TBC1D4: variants seen among roughly 807,000 people sequenced by gnomAD.
TBC1D4 encodes the protein TBC (Tre-2, BUB2, CDC16) domain-containing protein.
TBC1D4 carries 121 observed loss-of-function variants against 142.5 expected under a neutral mutation model. That is an observed-to-expected ratio of 0.85 (90% CI 0.73 to 0.99). TBC1D4 has a LOEUF of 0.99. Ranked by LOEUF, TBC1D4 falls within the 50% of genes least tolerant of loss-of-function variation. TBC1D4 has a pLI of 0.00. For missense variants in TBC1D4, 1,475 were observed against 1,606.6 expected (o/e 0.92, Z 1.40); for synonymous variants, 630 against 628.2 (o/e 1.00, Z -0.04).
In TBC1D4 at chr13:75,481,892, G is replaced by T. The variant is rs1027613037; in HGVS notation, c.-125C>A. The T allele has an allele frequency of 7.6e-7, 1 of 1,324,456 alleles. No individual in the cohort carries two copies. Among genetic ancestry groups the T allele is most frequent in the Non-Finnish European group, 9.7e-7 (1 of 1,030,282 alleles). The allele number at this position is 1,324,456 out of a possible 1,614,324, so 82.0% of individuals were successfully genotyped here. A position where few individuals can be genotyped will look rare whatever the true frequency, so the allele number is the denominator to read the frequency against. ...CGGGCTCCCGCGCCTGCCTGGGAGC[G>T]GCGCGACCCCGAACTCCGCGCTTCA... On this transcript the variant is annotated 5_prime_UTR_variant, in exon 1 of 21. Transcript: ENST00000377636.
intron 1 of TBC1D4, among the ~76,000 whole-genome samples, chr13:75,364,844 A>C (rs1433994370): frequency 6.6e-6 from 1 of 152,234 alleles, no homozygotes; most frequent in African/African-American, 2.4e-5. Context: ...GTCTCTACAG[A>C]GTACGGAATC....
chr13:75,471,932 C>A (rs1166761747), intron 1 of TBC1D4, among the ~76,000 whole-genome samples: 2 of 150,294 alleles, frequency 1.3e-5, no homozygotes, highest in Non-Finnish European at 3.0e-5. Flanking sequence ...CGTGGTAAAA[C>A]CTCATCTCTA....
At chr13:75,315,274 C>A (rs1593914694) in intron 12 of TBC1D4, among the ~76,000 whole-genome samples, 1 of 151,420 alleles carries the variant, frequency 6.6e-6, no homozygotes, top group Non-Finnish European at 1.5e-5. Flanking sequence ...CATCCCTGCA[C>A]TCCTGCCTGA....
intron 3 of TBC1D4, among the ~76,000 whole-genome samples, chr13:75,358,193 C>T (rs1882211966): frequency 6.6e-6 from 1 of 152,094 alleles, no homozygotes; most frequent in African/African-American, 2.4e-5. Context: ...CTCATTCATT[C>T]AACATGTATT....
chr13:75,308,611 A>T (rs1877415690), intron 14 of TBC1D4, among the ~76,000 whole-genome samples: 1 of 152,182 alleles, frequency 6.6e-6, no homozygotes, highest in South Asian at 2.1e-4. Flanking sequence ...TCCCAAGTGA[A>T]ATACAGTTTC....
At chr13:75,399,315 C>G (rs1884961928) in intron 1 of TBC1D4, among the ~76,000 whole-genome samples, 1 of 152,170 alleles carries the variant, frequency 6.6e-6, no homozygotes, top group African/African-American at 2.4e-5. Flanking sequence ...CCAATGAGAG[C>G]TGAGGCTGAG....
chr13:75,402,561 C>A (rs1348164496), intron 1 of TBC1D4, among the ~76,000 whole-genome samples: 1 of 151,616 alleles, frequency 6.6e-6, no homozygotes, highest in African/African-American at 2.4e-5. Flanking sequence ...TTTAAAAGAT[C>A]ATTTGTCTAC....
intron 5 of TBC1D4, among the ~76,000 whole-genome samples, chr13:75,346,306 C>T (rs1301180513): frequency 1.3e-5 from 2 of 152,110 alleles, no homozygotes; most frequent in African/African-American, 4.8e-5. Flanking sequence ...AGACCCCCAC[C>T]CCTTGACAGG....
chr13:75,355,434 C>T (rs1007004905), intron 4 of TBC1D4, among the ~76,000 whole-genome samples: 2 of 152,158 alleles, frequency 1.3e-5, no homozygotes, highest in African/African-American at 4.8e-5. Context: ...TCCAAGCCTG[C>T]CTTACATATG....
rs1472808023 is a variant in TBC1D4, at chr13:75,288,925, T to C, written c.3663+9A>G. On this transcript the variant is annotated intron_variant, in intron 20 of 20. Transcript: ENST00000377636. ...AAGTACTTATTTGCTCAAATCTTTA[T>C]TTCTTTACCTGTAATTTTTCTAGGA... 6.2e-7 allele frequency: 1 copy of C among 1,613,570 alleles called. No homozygotes were observed. Among genetic ancestry groups the C allele is most frequent in the South Asian group, 1.1e-5 (1 of 91,072 alleles).
At position 75,286,624 on chromosome 13, in the gene TBC1D4, T is replaced by C. The variant is rs1874694866; in HGVS notation, c.*168A>G. 1.5e-6 allele frequency: 1 copy of C among 664,728 alleles called. No individual in the cohort carries two copies. Among genetic ancestry groups the C allele is most frequent in the African/African-American group, 1.8e-5 (1 of 55,060 alleles). 41.2% of individuals were successfully genotyped at this position (664,728 alleles called of 1,614,324 possible). ...TCTACATATGTCCAATGGCTTAGGA[T>C]TGGCATGCTCTGATGAGCACGAGGT... On this transcript the variant is annotated 3_prime_UTR_variant, in exon 21 of 21. Transcript: ENST00000377636.
Position 75,309,941 on chromosome 13 carries a change from C to A in TBC1D4, c.2593+1G>T. The A allele has an allele frequency of 3.7e-6, 6 of 1,614,020 alleles. No homozygotes were observed. The highest frequency in any genetic ancestry group is 5.1e-6 in the Non-Finnish European group (6 of 1,179,922). Reference sequence around the variant, plus strand: ...GCATTTAGTCTGTTAAAATGGCTAACCTTCAAGTTTCTGGTTTTCTTTTTC... The same window carrying A: ...GCATTTAGTCTGTTAAAATGGCTAAACTTCAAGTTTCTGGTTTTCTTTTTC... On this transcript the variant is annotated splice_donor_variant, in intron 14 of 20. Coordinates refer to ENST00000377636, the MANE Select transcript of TBC1D4 (RefSeq NM_014832.5). LOFTEE classifies it high-confidence loss of function.
At chr13:75,304,450 C>T (rs1413394428) in intron 15 of TBC1D4, among the ~76,000 whole-genome samples, 1 of 152,110 alleles carries the variant, frequency 6.6e-6, no homozygotes, top group African/African-American at 2.4e-5. Flanking sequence ...GTGCAAGATA[C>T]TGTCTTAGGT....
intron 17 of TBC1D4, among the ~76,000 whole-genome samples, chr13:75,299,123 G>A (rs563657590): frequency 1.3e-5 from 2 of 152,242 alleles, no homozygotes; most frequent in South Asian, 4.2e-4. Context: ...TTATGGAAAA[G>A]GTATTCTGCC....
At position 75,294,010 on chromosome 13, in the gene TBC1D4, T is replaced by G. The variant is rs147991529; in HGVS notation, c.3316+844A>C. Among the ~76,000 whole-genome samples the G allele has an allele frequency of 4.3e-3, 659 of 152,328 alleles. 7 individuals are homozygous for G. The highest frequency in any genetic ancestry group is 0.015 in the African/African-American group (629 of 41,586). On this transcript the variant is annotated intron_variant, in intron 18 of 20. Coordinates refer to ENST00000377636, the MANE Select transcript of TBC1D4 (RefSeq NM_014832.5). ...CTTTGCCCATGTCTACTAAATAGAT[T>G]ATCAGAACATAAAAATTAAGGGAGC... is the stretch of plus-strand genomic sequence containing the variant.
At chr13:75,410,778 T>C (rs1294464576) in intron 1 of TBC1D4, among the ~76,000 whole-genome samples, 1 of 149,594 alleles carries the variant, frequency 6.7e-6, no homozygotes, top group African/African-American at 2.5e-5. Context: ...CTACTAAAAA[T>C]ACAAAAAATT....
chr13:75,472,153 G>T (rs1018228072), intron 1 of TBC1D4, among the ~76,000 whole-genome samples: 7 of 145,102 alleles, frequency 4.8e-5, no homozygotes, highest in Admixed American at 1.4e-4. Context: ...GGGCCATTGC[G>T]GTGGCTCACG....
At chr13:75,344,238 T>A (rs909275778) in intron 5 of TBC1D4, among the ~76,000 whole-genome samples, 2 of 152,246 alleles carry the variant, frequency 1.3e-5, no homozygotes, top group African/African-American at 4.8e-5. Flanking sequence ...GTTTTTGTTT[T>A]GTTTCCTGTT....
intron 1 of TBC1D4, among the ~76,000 whole-genome samples, chr13:75,416,978 G>T (rs1885945913): frequency 6.6e-6 from 1 of 152,202 alleles, no homozygotes; most frequent in African/African-American, 2.4e-5. Flanking sequence ...CTGTGCAGAT[G>T]CTCAAAGCTG....
Sources: allele counts gnomAD v4.1 joint callset (sites outside exome capture counted in the v4.1 genomes callset), GRCh38; gene constraint gnomAD v4.1.1; transcripts MANE v1.5; gene names NCBI Gene and HGNC (gene_info 2026-07-23, HGNC 2026-07-21).